Variants in FARS2 observed in about 807,000 individuals in gnomAD.
FARS2 encodes the protein phenylalanyl-tRNA synthetase 2, mitochondrial, also known as phenylalanine--tRNA ligase, mitochondrial.
A neutral mutation model predicts 46.4 loss-of-function variants in FARS2; 40 were observed. The ratio of observed to expected loss-of-function variants is 0.86; its 90% CI spans 0.67 to 1.12. The LOEUF (loss-of-function observed/expected upper bound fraction) is 1.12, where lower values mean the gene tolerates loss of function less well. Among genes scored for constraint, FARS2 ranks in the 50% most tolerant of loss-of-function variants. FARS2 has a pLI of 0.00. For synonymous variants in FARS2, 234 were observed against 214.9 expected, an observed-to-expected ratio of 1.09 and a Z score of -0.78; for missense variants, 513 against 567.9, an observed-to-expected ratio of 0.90 and a Z score of 0.98.
At chr6:5,548,946 T>A (rs956338021) in intron 5 of FARS2, among the ~76,000 whole-genome samples, 3 of 152,266 alleles carry the variant, frequency 2.0e-5, no homozygotes, top group African/African-American at 4.8e-5. Context: ...AGATTATAGA[T>A]CATACTATTA....
At chr6:5,624,907 A>T (rs1775956940) in intron 6 of FARS2, among the ~76,000 whole-genome samples, 1 of 148,212 alleles carries the variant, frequency 6.7e-6, no homozygotes, top group African/African-American at 2.5e-5. Context: ...CTCCGTTCAC[A>T]AGATCACTTC....
chr6:5,705,514 C>T (rs977626174), intron 6 of FARS2, among the ~76,000 whole-genome samples: 1 of 152,122 alleles, frequency 6.6e-6, no homozygotes, highest in Non-Finnish European at 1.5e-5. Flanking sequence ...GCCTCCTTAC[C>T]TCGATTCACC....
At chr6:5,573,683 A>G (rs1237463614) in intron 5 of FARS2, among the ~76,000 whole-genome samples, 1 of 152,180 alleles carries the variant, frequency 6.6e-6, no homozygotes, top group African/African-American at 2.4e-5. Flanking sequence ...TTTATTCAAC[A>G]AACCTCCGAC....
chr6:5,275,884 T>C (rs1192853289), intron 1 of FARS2, among the ~76,000 whole-genome samples: 1 of 152,298 alleles, frequency 6.6e-6, no homozygotes, highest in East Asian at 1.9e-4. Context: ...CGTTACGATA[T>C]ATTCTCCCAG....
chr6:5,673,399 AC>A, intron 6 of FARS2, among the ~76,000 whole-genome samples: 1 of 152,292 alleles, frequency 6.6e-6, no homozygotes, highest in East Asian at 1.9e-4. Flanking sequence ...TTCCTAGGGC[AC>A]CACAGTTAAT....
chr6:5,325,909 A>G (rs780530662), intron 1 of FARS2, among the ~76,000 whole-genome samples: 3 of 152,238 alleles, frequency 2.0e-5, no homozygotes, highest in Non-Finnish European at 4.4e-5. Flanking sequence ...ATAAATAAAT[A>G]TGAAAGCATA....
chr6:5,485,924 A>G lies in FARS2; in HGVS notation c.904+54752A>G, dbSNP rs545499362. On this transcript the variant is annotated intron_variant, in intron 4 of 6. Transcript: ENST00000274680. ...CTACTGAACTGGGCTGCACAGACACAGAACATTTCCCGCACTCAGGAAGTT... is the reference window on the plus strand; with the variant it reads ...CTACTGAACTGGGCTGCACAGACACGGAACATTTCCCGCACTCAGGAAGTT... Among the ~76,000 whole-genome samples, 11 of 152,332 alleles carry G rather than the reference A, an allele frequency of 7.2e-5. 1 individual carries two copies. The South Asian group carries it at 2.3e-3, about 32-fold the overall frequency.
At chr6:5,291,708 T>C (rs900088916) in intron 1 of FARS2, among the ~76,000 whole-genome samples, 4 of 151,600 alleles carry the variant, frequency 2.6e-5, no homozygotes, top group Admixed American at 1.3e-4. Flanking sequence ...AAGTGAGCTG[T>C]GATTGAGCCA....
intron 6 of FARS2, among the ~76,000 whole-genome samples, chr6:5,705,388 T>G (rs942938097): frequency 6.6e-6 from 1 of 152,246 alleles, no homozygotes; most frequent in Non-Finnish European, 1.5e-5. Context: ...ATGAGTTGCA[T>G]GCGCCATGAA....
intron 1 of FARS2, among the ~76,000 whole-genome samples, chr6:5,359,593 T>C (rs1288016809): frequency 6.6e-6 from 1 of 152,210 alleles, no homozygotes; most frequent in Non-Finnish European, 1.5e-5. Context: ...TGTATAATTG[T>C]CTTGACAAAT....
At position 5,426,125 on chromosome 6, in the gene FARS2, A is replaced by G. The variant is rs1236965734; in HGVS notation, c.773-4916A>G. On this transcript the variant is annotated intron_variant, in intron 3 of 6. Transcript: ENST00000274680. ...GTAATCTCAGAGTTCTGAAGCCGTT[A>G]AAAAAGCTCTGAGCTTCATCTGTGT... Among the ~76,000 whole-genome samples the G allele has an allele frequency of 2.6e-5, 4 of 152,188 alleles. No homozygotes were observed. The South Asian group carries it at 8.3e-4, about 32-fold the overall frequency.
upstream of FARS2, among the ~76,000 whole-genome samples, chr6:5,260,280 G>A (rs1764954183): frequency 6.6e-6 from 1 of 152,196 alleles, no homozygotes. Context: ...CAGTGCTCAA[G>A]GGAAGTTTTA....
At chr6:5,755,239 G>A (rs1009725207) in intron 6 of FARS2, among the ~76,000 whole-genome samples, 1 of 152,082 alleles carries the variant, frequency 6.6e-6, no homozygotes, top group Non-Finnish European at 1.5e-5. Context: ...TGGGGTACAT[G>A]TGCAGAACAT....
intron 6 of FARS2, among the ~76,000 whole-genome samples, chr6:5,769,350 T>C (rs1316464209): frequency 1.3e-5 from 2 of 152,212 alleles, no homozygotes; most frequent in African/African-American, 2.4e-5. Context: ...CTTGGCTATG[T>C]AGTTTCATAA....
intron 4 of FARS2, among the ~76,000 whole-genome samples, chr6:5,536,256 C>A (rs1027303336): frequency 6.6e-6 from 1 of 152,060 alleles, no homozygotes; most frequent in African/African-American, 2.4e-5. Context: ...CACTGTCGAT[C>A]TCCTGACCTC....
intron 2 of FARS2, among the ~76,000 whole-genome samples, chr6:5,403,871 A>T (rs1761401320): frequency 6.6e-6 from 1 of 152,232 alleles, no homozygotes; most frequent in Non-Finnish European, 1.5e-5. Context: ...GACTAATGAT[A>T]GCTGTGGTTA....
At chr6:5,407,302 T>A (rs879311566) in intron 3 of FARS2, among the ~76,000 whole-genome samples, 5 of 151,962 alleles carry the variant, frequency 3.3e-5, no homozygotes, top group African/African-American at 1.2e-4. Flanking sequence ...CCTCTATTTT[T>A]TCATACTCCA....
chr6:5,371,896 T>A (rs1377760615), intron 2 of FARS2, among the ~76,000 whole-genome samples: 1 of 151,252 alleles, frequency 6.6e-6, no homozygotes, highest in African/African-American at 2.5e-5. Flanking sequence ...AAGACACACA[T>A]TATCAGATTG....
At chr6:5,755,933 T>C (rs1762179152) in intron 6 of FARS2, among the ~76,000 whole-genome samples, 1 of 152,234 alleles carries the variant, frequency 6.6e-6, no homozygotes, top group African/African-American at 2.4e-5. Context: ...CAGGGTAGGC[T>C]TCTTCTCCGT....
Sources: allele counts gnomAD v4.1 joint callset (sites outside exome capture counted in the v4.1 genomes callset), GRCh38; gene constraint gnomAD v4.1.1; transcripts MANE v1.5; gene names NCBI Gene and HGNC (gene_info 2026-07-23, HGNC 2026-07-21).